The following CFLAR variants were observed in gnomAD, a reference collection of about 807,000 sequenced individuals.
The protein encoded by CFLAR is CASP8 and FADD-like apoptosis regulator.
In CFLAR, 14 loss-of-function variants were observed where a neutral mutation model predicts 51.1. That is an observed-to-expected ratio of 0.27 (90% CI 0.18 to 0.43). The LOEUF is 0.43. Ranked by LOEUF, CFLAR falls within the 20% of genes least tolerant of loss-of-function variation. The pLI is 1.00. For synonymous variants in CFLAR, 210 were observed against 211.6 expected (o/e 0.99, Z 0.06); for missense variants, 390 against 566.5 (o/e 0.69, Z 3.16).
rs775383021 is a variant in CFLAR at position 201,170,041 on chromosome 2, T to A, written c.*6068T>A. The A allele has an allele frequency of 2.3e-4, 35 of 152,240 alleles. No homozygotes were observed. Among genetic ancestry groups the A allele is most frequent in the Non-Finnish European group, 4.6e-4 (31 of 68,046 alleles). 9.4% of individuals were successfully genotyped at this position (152,240 alleles called of 1,614,324 possible). On this transcript the variant is annotated 3_prime_UTR_variant, in exon 10 of 10. Transcript: ENST00000309955. ...TTAGTTCAACCGTTGTGGAAGTGTG[T>A]GTGGCTATTCCTCAAAGATCTAGAA...
At chr2:201,148,745 T>G (rs1940732809) in intron 6 of CFLAR, 1 of 404,834 alleles carries the variant, frequency 2.5e-6, no homozygotes, top group Admixed American at 3.6e-5. Context: ...TAGAACGGGG[T>G]AGGGGAGAGC....
At chr2:201,160,251 A>G (rs1218247499) in intron 8 of CFLAR, among the ~76,000 whole-genome samples, 181 bp from the exon 9 acceptor site, 1 of 152,158 alleles carries the variant, frequency 6.6e-6, no homozygotes, top group East Asian at 1.9e-4. Flanking sequence ...CTAAAATCAC[A>G]TCTTTCATGA....
intron 6 of CFLAR, among the ~76,000 whole-genome samples, chr2:201,147,345 A>G (rs13387186): frequency 0.25 from 38,325 of 151,748 alleles, 5,733 homozygotes; most frequent in African/African-American, 0.42. Context: ...CCTGGGCAAC[A>G]TGGTGAAACC....
rs2050401031 is a variant in CFLAR, at chr2:201,138,169, C to T, written c.523+2062C>T. ...CTGTCACCACGTTCCCCCCAATCAC[C>T]TGGAGGTGGGGTTACTTTTGTTTGA... is the stretch of plus-strand genomic sequence containing the variant. On this transcript the variant is annotated intron_variant, in intron 4 of 9. Transcript: ENST00000309955. This position sits in a 1 kb window ranked among gnomAD's most constrained non-coding sequence, Gnocchi z 4.0. The T allele has an allele frequency of 1.1e-6, 1 of 919,344 alleles. No homozygotes were observed. Among genetic ancestry groups the T allele is most frequent in the South Asian group, 1.3e-5 (1 of 77,404 alleles). 56.9% of individuals were successfully genotyped at this position (919,344 alleles called of 1,614,324 possible).
At chr2:201,120,179 C>A (rs1308111605) in intron 1 of CFLAR, among the ~76,000 whole-genome samples, 2 of 150,658 alleles carry the variant, frequency 1.3e-5, no homozygotes, top group African/African-American at 4.9e-5. Context: ...TGCCACCACA[C>A]CCAGCTACAT....
rs1138247 is a variant in CFLAR, at chr2:201,164,088, A to G, written c.*115A>G. 1 of 736,104 alleles carries G rather than the reference A, an allele frequency of 1.4e-6. No homozygotes were observed. The highest frequency in any genetic ancestry group is 3.2e-5 in the Admixed American group (1 of 30,848). The allele number at this position is 736,104 out of a possible 1,614,324, so 45.6% of individuals were successfully genotyped here. On this transcript the variant is annotated 3_prime_UTR_variant, in exon 10 of 10. Coordinates refer to ENST00000309955, the MANE Select transcript of CFLAR (RefSeq NM_003879.7). ...CGAGACCAGCCTGGCCAACATGGTA[A>G]ACGCTGTCCCTAGTAAAAATACAAA...
rs186042810 is a variant in CFLAR at position 201,130,923 on chromosome 2, A to G, written c.281+777A>G. 3.0e-3 allele frequency among the ~76,000 whole-genome samples: 451 copies of G among 152,166 alleles called. 3 individuals carry two copies. The highest frequency in any genetic ancestry group is 0.01 in the African/African-American group (423 of 41,496). ...CAGTAATCTTCCTACCTTTGTAGAG[A>G]CTCCATCATCCCTTCTGAATCCCTG... On this transcript the variant is annotated intron_variant, in intron 2 of 9. Coordinates refer to ENST00000309955, the MANE Select transcript of CFLAR (RefSeq NM_003879.7).
intron 9 of CFLAR, chr2:201,163,261 T>C (rs1381735269): frequency 1.5e-6 from 2 of 1,293,104 alleles, no homozygotes; most frequent in South Asian, 2.1e-5. Flanking sequence ...AGAATACTTT[T>C]CTAAGAGAAA....
intron 5 of CFLAR, chr2:201,140,759 G>GTGTA (rs1938545042): frequency 1.0e-5 from 1 of 97,812 alleles, no homozygotes; most frequent in African/African-American, 5.8e-5. Context: ...CTGTATGTAT[G>GTGTA]TATATATATA....
In CFLAR at chr2:201,169,208, A is replaced by C. The variant is rs894111628; in HGVS notation, c.*5235A>C. On this transcript the variant is annotated 3_prime_UTR_variant, in exon 10 of 10. Transcript: ENST00000309955. The stretch of plus-strand genomic sequence containing the variant: ...GAAGCATCACACTACCCAACTTCAA[A>C]GTATACTGCAAGGCTACAGTAGCCA... The C allele has an allele frequency of 2.0e-5, 3 of 152,200 alleles. No homozygotes were observed. Among genetic ancestry groups the C allele is most frequent in the Admixed American group, 2.0e-4 (3 of 15,268 alleles). 9.4% of individuals were successfully genotyped at this position (152,200 alleles called of 1,614,324 possible). A position where few individuals can be genotyped will look rare whatever the true frequency, so the allele number is the denominator to read the frequency against.
chr2:201,146,144 A>G (rs1040009646), intron 6 of CFLAR, among the ~76,000 whole-genome samples: 2 of 145,942 alleles, frequency 1.4e-5, no homozygotes, highest in African/African-American at 5.1e-5. Context: ...TTTTTTTCTT[A>G]TCTTTTCTTT....
In CFLAR at chr2:201,175,982, C is replaced by T. The variant is rs1309186657; in HGVS notation, c.*12009C>T. On this transcript the variant is annotated 3_prime_UTR_variant, in exon 10 of 10. Coordinates refer to ENST00000309955, the MANE Select transcript of CFLAR (RefSeq NM_003879.7). ...ATCAGCTGGGCATGGTGGTCCATGCCTCTAATCCCAGCTACTCGGGAGGCT... is the reference window on the plus strand; with the variant it reads ...ATCAGCTGGGCATGGTGGTCCATGCTTCTAATCCCAGCTACTCGGGAGGCT... 1.3e-5 allele frequency: 2 copies of T among 152,262 alleles called. No homozygotes were observed. The highest frequency in any genetic ancestry group is 2.9e-5 in the Non-Finnish European group (2 of 68,158). The allele number at this position is 152,262 out of a possible 1,614,324, so 9.4% of individuals were successfully genotyped here. A position where few individuals can be genotyped will look rare whatever the true frequency, so the allele number is the denominator to read the frequency against.
chr2:201,143,680 A>G (rs1174873408), intron 5 of CFLAR, among the ~76,000 whole-genome samples: 2 of 151,968 alleles, frequency 1.3e-5, no homozygotes, highest in East Asian at 3.9e-4. Flanking sequence ...TTAAAAAATT[A>G]TGGCTGGGCA....
rs568590051 is a variant in CFLAR at position 201,124,491 on chromosome 2, C to T, written c.-137-5238C>T. On this transcript the variant is annotated intron_variant, in intron 1 of 9. Coordinates refer to ENST00000309955, the MANE Select transcript of CFLAR (RefSeq NM_003879.7). This position sits in a 1 kb window ranked among gnomAD's most constrained non-coding sequence, Gnocchi z 4.7. The stretch of plus-strand genomic sequence containing the variant: ...CTGGGATTACAGACATGCAGCACCA[C>T]GGCCAGCTAGTTTTTGTATTTTTAG... Among the ~76,000 whole-genome samples the T allele has an allele frequency of 3.9e-5, 6 of 152,256 alleles. No homozygotes were observed. Among genetic ancestry groups the T allele is most frequent in the Admixed American group, 2.0e-4 (3 of 15,292 alleles).
chr2:201,136,328 C>T, intron 4 of CFLAR: 1 of 1,598,572 alleles, frequency 6.3e-7, no homozygotes, highest in Non-Finnish European at 8.5e-7. Flanking sequence ...CTGCAAAATG[C>T]TGCCAAGCAG....
chr2:201,150,084 C>T (rs1940999813), intron 8 of CFLAR: 2 of 244,982 alleles, frequency 8.2e-6, no homozygotes. Context: ...ACCTGTAATC[C>T]CAGCACTTTG....
chr2:201,138,010 C>T lies in CFLAR; in HGVS notation c.523+1903C>T. 1 of 735,000 alleles carries T rather than the reference C, an allele frequency of 1.4e-6. No individual in the cohort carries two copies. Among genetic ancestry groups the T allele is most frequent in the Non-Finnish European group, 2.5e-6 (1 of 396,046 alleles). 45.5% of individuals were successfully genotyped at this position (735,000 alleles called of 1,614,324 possible). On this transcript the variant is annotated intron_variant, in intron 4 of 9. Coordinates refer to ENST00000309955, the MANE Select transcript of CFLAR (RefSeq NM_003879.7). The surrounding 1 kb of genome is among the most constrained non-coding windows in gnomAD (Gnocchi z 4.0). ...ACACCAAAGTTCTGGGTATGCTTGG[C>T]CACCTTGTACACAGCAGTGCCCTGG... is the stretch of plus-strand genomic sequence containing the variant.
rs943516780 is a variant in CFLAR, at chr2:201,165,092, C to T, written c.*1119C>T. On this transcript the variant is annotated 3_prime_UTR_variant, in exon 10 of 10. Coordinates refer to ENST00000309955, the MANE Select transcript of CFLAR (RefSeq NM_003879.7). ...GAATTCTGGGGGGAATACAAACATT[C>T]AGTTTGTAACAATAGCCTTATGATT... The T allele has an allele frequency of 6.6e-6, 1 of 152,058 alleles. No individual in the cohort carries two copies. The highest frequency in any genetic ancestry group is 1.5e-5 in the Non-Finnish European group (1 of 68,008). The allele number at this position is 152,058 out of a possible 1,614,324, so 9.4% of individuals were successfully genotyped here.
Position 201,124,913 on chromosome 2 carries a change from G to C in CFLAR, c.-137-4816G>C, listed in dbSNP as rs1420856514. 6.6e-6 allele frequency among the ~76,000 whole-genome samples: 1 copy of C among 152,168 alleles called. No individual in the cohort carries two copies. Among genetic ancestry groups the C allele is most frequent in the Non-Finnish European group, 1.5e-5 (1 of 68,040 alleles). ...AGTGTCAGCTGGAGTTGAGCAGTCA[G>C]ATGAAAGAGGACTTCCAAGTTTTTG... On this transcript the variant is annotated intron_variant, in intron 1 of 9. Coordinates refer to ENST00000309955, the MANE Select transcript of CFLAR (RefSeq NM_003879.7). The surrounding 1 kb of genome is among the most constrained non-coding windows in gnomAD (Gnocchi z 4.7).
Sources: allele counts gnomAD v4.1 joint callset (sites outside exome capture counted in the v4.1 genomes callset), GRCh38; gene constraint gnomAD v4.1.1; non-coding constraint Gnocchi (gnomAD v3.1); transcripts MANE v1.5; gene names NCBI Gene and HGNC (gene_info 2026-07-23, HGNC 2026-07-21).